SYNE1: variants seen among roughly 807,000 people sequenced by gnomAD.
SYNE1 encodes spectrin repeat containing nuclear envelope protein 1, also known as nesprin-1.
Under a neutral mutation model 1,111.0 loss-of-function variants are expected in SYNE1, and 616 were observed. The ratio of observed to expected loss-of-function variants is 0.55; its 90% CI spans 0.52 to 0.59. The LOEUF is 0.59. Ranked by LOEUF, SYNE1 falls within the 20% of genes least tolerant of loss-of-function variation. The pLI is 0.00. For synonymous variants in SYNE1, 3,855 were observed against 3,825.8 expected, an observed-to-expected ratio of 1.01 and a Z score of -0.28; for missense variants, 10,006 against 10,417.0, an observed-to-expected ratio of 0.96 and a Z score of 1.72.
intron 126 of SYNE1, among the ~76,000 whole-genome samples, chr6:152,204,059 T>C (rs78851871): frequency 0.011 from 1,726 of 152,220 alleles, 29 homozygotes; most frequent in African/African-American, 0.04. Context: ...TAAAAATTTA[T>C]TGATCTAAAA....
chr6:152,308,738 A>G, intron 90 of SYNE1, 106 bp from the exon 91 acceptor site: 2 of 1,223,606 alleles, frequency 1.6e-6, no homozygotes, highest in Non-Finnish European at 2.2e-6. Flanking sequence ...CAGGTAGGGA[A>G]TAAAGAAATG....
chr6:152,208,035 C>T lies in SYNE1; in HGVS notation c.22761G>A (p.Met7587Ile), dbSNP rs1255455850. Residue 7587 changes from methionine (M) to isoleucine (I), a missense_variant, in exon 125 of 146, where the codon ATG becomes ATA. Physicochemically the swap from Met to Ile is conservative, Grantham distance 10 (BLOSUM62 1). Around this residue, in one of 7 missense-constraint regions of SYNE1, gnomAD observed 2,182 missense variants for 2,287.8 expected, o/e 0.95. Transcript: ENST00000367255. Reference sequence around the variant, plus strand: ...GTATAGGAACACTTCCGAGACCACTCATGGGGAGGTAGGACACTTCAACCA... The same window carrying T: ...GTATAGGAACACTTCCGAGACCACTTATGGGGAGGTAGGACACTTCAACCA... The part of the protein sequence containing the change: ...KWLVEVSYLP[M>I]SGLGSVPIPL... 1.9e-6 allele frequency: 3 copies of T among 1,614,032 alleles called. No homozygotes were observed. The highest frequency in any genetic ancestry group is 2.5e-6 in the Non-Finnish European group (3 of 1,180,046).
chr6:152,248,709 G>T (rs1335241183), intron 105 of SYNE1, among the ~76,000 whole-genome samples: 1 of 151,980 alleles, frequency 6.6e-6, no homozygotes, highest in Non-Finnish European at 1.5e-5. Flanking sequence ...CCTCTTTACC[G>T]TGATATCTTT....
At chr6:152,278,024 C>T (rs2093767474) in intron 98 of SYNE1, 65 bp downstream of exon 98, 1 of 1,584,380 alleles carries the variant, frequency 6.3e-7, no homozygotes, top group Non-Finnish European at 8.7e-7. Flanking sequence ...ACCTGGCAAA[C>T]CTTAGAAGGA....
At chr6:152,584,028 A>G (rs2099529183) in intron 3 of SYNE1, among the ~76,000 whole-genome samples, 1 of 152,262 alleles carries the variant, frequency 6.6e-6, no homozygotes, top group South Asian at 2.1e-4. Flanking sequence ...GGTTATGAAC[A>G]GAAGCTCTGG....
intron 3 of SYNE1, among the ~76,000 whole-genome samples, chr6:152,620,519 C>A (rs1235254904): frequency 6.6e-6 from 1 of 152,170 alleles, no homozygotes; most frequent in East Asian, 1.9e-4. Context: ...CAGTTTTCCT[C>A]CTCAATGCTG....
intron 3 of SYNE1, among the ~76,000 whole-genome samples, chr6:152,560,379 A>AAAG: frequency 6.6e-6 from 1 of 152,220 alleles, no homozygotes; most frequent in South Asian, 2.1e-4. Flanking sequence ...AAGAAAAATA[A>AAAG]AAGAAGAAGA....
At position 152,502,787 on chromosome 6, in the gene SYNE1, T is replaced by C. The variant is rs777271084; in HGVS notation, c.779-45A>G. On this transcript the variant is annotated intron_variant, in intron 9 of 145. Coordinates refer to ENST00000367255, the MANE Select transcript of SYNE1 (RefSeq NM_182961.4). ...ATGTGAATAAACTAATTAGCATTCATTGGATTTTGATAATACAAGTTTGGT... is the reference window on the plus strand; with the variant it reads ...ATGTGAATAAACTAATTAGCATTCACTGGATTTTGATAATACAAGTTTGGT... 1.7e-5 allele frequency: 24 copies of C among 1,403,102 alleles called. No homozygotes were observed. The Middle Eastern group carries it at 5.2e-4, about 31-fold the overall frequency. 86.9% of individuals were successfully genotyped at this position (1,403,102 alleles called of 1,614,324 possible).
chr6:152,482,982 T>C, intron 14 of SYNE1, 103 bp downstream of exon 14: 1 of 1,301,326 alleles, frequency 7.7e-7, no homozygotes, highest in Non-Finnish European at 1.1e-6. Context: ...TCATGTAGAA[T>C]TAATATTTGG....
At chr6:152,208,983 T>C (rs1467442174) in intron 124 of SYNE1, among the ~76,000 whole-genome samples, 1 of 151,788 alleles carries the variant, frequency 6.6e-6, no homozygotes, top group Non-Finnish European at 1.5e-5. Flanking sequence ...TAAAAAAATA[T>C]AGGTAGTTCT....
intron 59 of SYNE1, among the ~76,000 whole-genome samples, chr6:152,371,329 G>A (rs150543242): frequency 1.3e-5 from 2 of 151,696 alleles, no homozygotes; most frequent in Non-Finnish European, 2.9e-5. Flanking sequence ...GACTTTTCCC[G>A]CTTTGGCTCA....
rs375566129 is a variant in SYNE1 at position 152,381,282 on chromosome 6, T to A, written c.8733A>T (p.Thr2911=). 9.6e-5 allele frequency: 155 copies of A among 1,614,068 alleles called. No individual in the cohort carries two copies. Among genetic ancestry groups the A allele is most frequent in the Non-Finnish European group, 1.2e-4 (146 of 1,180,052 alleles). Residue 2911 remains threonine, a synonymous_variant, in exon 56 of 146, where the codon ACA becomes ACT. Transcript: ENST00000367255. ...GCATGAGCTCACACCCACTGGCAGT[T>A]GTGTTCTGTTTCACTTCGGGAGCCA... is the stretch of plus-strand genomic sequence containing the variant. ...ESLAPEVKQN[T]TASGCELMHT... is the part of the protein sequence containing the mutation.
intron 6 of SYNE1, among the ~76,000 whole-genome samples, chr6:152,513,467 G>C (rs973118141): frequency 6.6e-6 from 1 of 151,998 alleles, no homozygotes; most frequent in African/African-American, 2.4e-5. Flanking sequence ...TGCCTCAACT[G>C]GGATTACAGG....
chr6:152,222,649 C>T (rs950291561), intron 117 of SYNE1, among the ~76,000 whole-genome samples: 3 of 152,148 alleles, frequency 2.0e-5, no homozygotes, highest in Non-Finnish European at 4.4e-5. Context: ...ATCATTACCT[C>T]ACATACTTAT....
intron 106 of SYNE1, among the ~76,000 whole-genome samples, chr6:152,243,767 T>G (rs539610898): frequency 6.6e-6 from 1 of 152,372 alleles, no homozygotes; most frequent in East Asian, 1.9e-4. Context: ...TCAATAGTTC[T>G]GCACACAGAG....
intron 64 of SYNE1, among the ~76,000 whole-genome samples, chr6:152,361,746 C>A (rs1055989432): frequency 2.7e-5 from 4 of 150,864 alleles, no homozygotes; most frequent in Admixed American, 6.6e-5. Context: ...GTTTTAAGAA[C>A]ATGCCATTAT....
intron 106 of SYNE1, 83 bp from the exon 107 acceptor site, chr6:152,242,523 G>T: frequency 1.3e-6 from 2 of 1,500,380 alleles, no homozygotes; most frequent in Non-Finnish European, 9.2e-7. Flanking sequence ...AACGCACCAA[G>T]CCCGAGACCC....
intron 49 of SYNE1, among the ~76,000 whole-genome samples, chr6:152,397,819 G>A (rs534771539): frequency 1.3e-5 from 2 of 152,042 alleles, no homozygotes; most frequent in South Asian, 4.2e-4. Context: ...TGGCCTACAT[G>A]GTGAAACCTC....
chr6:152,343,019 A>G (rs1245880934), intron 74 of SYNE1, among the ~76,000 whole-genome samples: 1 of 152,198 alleles, frequency 6.6e-6, no homozygotes, highest in Non-Finnish European at 1.5e-5. Context: ...GTATACTTAT[A>G]AATGTCACTT....
Sources: gnomAD v4.1 joint callset for allele counts (sites outside exome capture counted in the v4.1 genomes callset) on GRCh38, gnomAD v4.1.1 for gene constraint, gnomAD v4.1.1 regional missense constraint, MANE v1.5 for transcripts, NCBI Gene and HGNC (gene_info 2026-07-23, HGNC 2026-07-21) for gene names.